OR56A3: variants seen among roughly 807,000 people sequenced by gnomAD.
OR56A3 encodes olfactory receptor 56A3.
A neutral mutation model predicts 17.5 loss-of-function variants in OR56A3; 23 were observed. The ratio of observed to expected loss-of-function variants is 1.32; its 90% CI spans 0.95 to 1.87. OR56A3 has a LOEUF of 1.87. Among genes scored for constraint, OR56A3 ranks in the 40% most tolerant of loss-of-function variants. The pLI is 0.00. For synonymous variants in OR56A3, 175 were observed against 150.6 expected (o/e 1.16, Z -1.19); for missense variants, 366 against 380.1 (o/e 0.96, Z 0.31).
rs1268483268 is a variant in OR56A3 at position 5,950,764 on chromosome 11, T to C, written c.*2470T>C. 6.6e-6 allele frequency: 1 copy of C among 152,152 alleles called. No homozygotes were observed. The highest frequency in any genetic ancestry group is 2.4e-5 in the African/African-American group (1 of 41,462). 9.4% of individuals were successfully genotyped at this position (152,152 alleles called of 1,614,324 possible). A position where few individuals can be genotyped will look rare whatever the true frequency, so the allele number is the denominator to read the frequency against. On this transcript the variant is annotated 3_prime_UTR_variant, in exon 3 of 3. Coordinates refer to ENST00000641160, the MANE Select transcript of OR56A3 (RefSeq NM_001003443.3). The stretch of plus-strand genomic sequence containing the variant: ...TCTGTACTAAGTCTTTGAAACACCC[T>C]GAGTATTTTACACTTAACATACATT...
chr11:5,959,364 G>A, the OR56A3 span, among the ~76,000 whole-genome samples: 8 of 152,122 alleles, frequency 5.3e-5, no homozygotes, highest in Non-Finnish European at 1.2e-4. Context: ...AAAGGAGTAA[G>A]GTGACATCTC....
chr11:5,958,172 T>C, the OR56A3 span, among the ~76,000 whole-genome samples: 1 of 152,194 alleles, frequency 6.6e-6, no homozygotes, highest in East Asian at 1.9e-4. Flanking sequence ...TAATCTTTTA[T>C]TTTGAAGAAC....
chr11:5,966,376 T>C, the OR56A3 span, among the ~76,000 whole-genome samples: 1 of 151,988 alleles, frequency 6.6e-6, no homozygotes, highest in Non-Finnish European at 1.5e-5. Flanking sequence ...CCTGTCTCCC[T>C]ATCTCAAAAA....
chr11:6,016,989 T>G, the OR56A3 span: 1 of 151,758 alleles, frequency 6.6e-6, no homozygotes, highest in Non-Finnish European at 1.5e-5. Flanking sequence ...AATAATAATA[T>G]TTTTTAGTCT....
At chr11:6,014,222 A>G in the OR56A3 span, among the ~76,000 whole-genome samples, 1 of 152,208 alleles carries the variant, frequency 6.6e-6, no homozygotes, top group Non-Finnish European at 1.5e-5. Flanking sequence ...AAAAAAACAC[A>G]AAAACTAATG....
At position 5,948,663 on chromosome 11, in the gene OR56A3, A is replaced by G; in HGVS notation, c.*369A>G. The G allele has an allele frequency of 5.3e-6, 1 of 190,390 alleles. No homozygotes were observed. The highest frequency in any genetic ancestry group is 5.3e-5 in the Admixed American group (1 of 18,848). The allele number at this position is 190,390 out of a possible 1,614,324, so 11.8% of individuals were successfully genotyped here. Reference sequence around the variant, plus strand: ...TATTTTGTTGTGTCTGTTATGTGTAATGTCCTTTTATTCTTATTTTCAGAA... The same window carrying G: ...TATTTTGTTGTGTCTGTTATGTGTAGTGTCCTTTTATTCTTATTTTCAGAA... On this transcript the variant is annotated 3_prime_UTR_variant, in exon 3 of 3. Coordinates refer to ENST00000641160, the MANE Select transcript of OR56A3 (RefSeq NM_001003443.3).
At chr11:6,014,989 C>CAAAAAAAAAAAAAAAAAAAAAAA in the OR56A3 span, among the ~76,000 whole-genome samples, 2 of 35,200 alleles carry the variant, frequency 5.7e-5, no homozygotes, top group South Asian at 2.0e-3. Flanking sequence ...TATTCATGGG[C>CAAAAAAAAAAAAAAAAAAAAAAA]AAAAAAAAAA....
chr11:5,968,281 G>T, the OR56A3 span: 1 of 1,612,770 alleles, frequency 6.2e-7, no homozygotes, highest in Non-Finnish European at 8.5e-7. Context: ...ACGATGTCCA[G>T]CAGGGAGAGG....
At chr11:6,002,745 T>C in the OR56A3 span, 5 of 1,614,130 alleles carry the variant, frequency 3.1e-6, no homozygotes, top group South Asian at 5.5e-5. Context: ...GGCCAGGACC[T>C]TGGGGATGAC....
At chr11:5,989,351 AG>A in the OR56A3 span, among the ~76,000 whole-genome samples, 1 of 152,368 alleles carries the variant, frequency 6.6e-6, no homozygotes, top group South Asian at 2.1e-4. Context: ...GTGTGAGCAG[AG>A]CAGTGAGGCT....
chr11:6,004,004 A>G, the OR56A3 span, among the ~76,000 whole-genome samples: 1 of 152,182 alleles, frequency 6.6e-6, no homozygotes, highest in African/African-American at 2.4e-5. Flanking sequence ...TACTAAACAA[A>G]GAGAAAGAGG....
chr11:5,962,776 G>A, the OR56A3 span, among the ~76,000 whole-genome samples: 16 of 152,178 alleles, frequency 1.1e-4, no homozygotes, highest in South Asian at 3.3e-3. Context: ...CTGACCTCAT[G>A]ATTCACCCGC....
At chr11:5,965,327 T>A in the OR56A3 span, among the ~76,000 whole-genome samples, 1 of 152,336 alleles carries the variant, frequency 6.6e-6, no homozygotes, top group African/African-American at 2.4e-5. Context: ...ATTATTACTC[T>A]TCTTAAATGA....
At chr11:5,978,006 A>C in the OR56A3 span, among the ~76,000 whole-genome samples, 2 of 152,188 alleles carry the variant, frequency 1.3e-5, no homozygotes, top group Non-Finnish European at 2.9e-5. Context: ...GTTGAAGATA[A>C]ACTGGTTGCA....
chr11:5,977,026 T>C, the OR56A3 span, among the ~76,000 whole-genome samples: 5 of 152,292 alleles, frequency 3.3e-5, no homozygotes, highest in African/African-American at 1.2e-4. Context: ...GCTGCATCCA[T>C]GTTGCTGCAA....
chr11:6,019,886 C>T, the OR56A3 span: 3 of 152,068 alleles, frequency 2.0e-5, no homozygotes, highest in Admixed American at 2.0e-4. Flanking sequence ...ACCTTGATCC[C>T]TCTCTTGGCT....
At chr11:5,988,538 CATTA>C in the OR56A3 span, among the ~76,000 whole-genome samples, 4 of 152,106 alleles carry the variant, frequency 2.6e-5, no homozygotes, top group Non-Finnish European at 5.9e-5. Flanking sequence ...TTATTGTAAA[CATTA>C]ATTAAGTAAT....
the OR56A3 span, chr11:5,994,268 A>G: frequency 1.7e-6 from 1 of 595,500 alleles, no homozygotes; most frequent in East Asian, 3.7e-5. Context: ...TGGACTGTAC[A>G]TCTCAGCTCC....
the OR56A3 span, among the ~76,000 whole-genome samples, chr11:6,013,058 C>G: frequency 2.6e-5 from 4 of 152,246 alleles, no homozygotes; most frequent in Non-Finnish European, 5.9e-5. Context: ...ACAGCCCCAA[C>G]TTGGGTGGCT....
Sources: gnomAD v4.1 joint callset for allele counts (sites outside exome capture counted in the v4.1 genomes callset) on GRCh38, gnomAD v4.1.1 for gene constraint, MANE v1.5 for transcripts, NCBI Gene and HGNC (gene_info 2026-07-23, HGNC 2026-07-21) for gene names.